The following ZNF285 variants were observed in gnomAD, a reference collection of about 807,000 sequenced individuals.
The protein encoded by ZNF285 is zinc finger protein 285A.
In ZNF285, 4 loss-of-function variants were observed where a neutral mutation model predicts 6.2. The observed-to-expected ratio is 0.65, with a 90% CI of 0.32 to 1.49. The LOEUF is 1.49. ZNF285 is among the 40% of genes most tolerant of loss of function. The probability of loss-of-function intolerance (pLI) is 0.07; values close to 1 mark genes in which losing one functional copy is unlikely to be tolerated. For synonymous variants in ZNF285, 240 were observed against 245.8 expected (o/e 0.98, Z 0.22); for missense variants, 695 against 708.8 (o/e 0.98, Z 0.22).
intron 2 of ZNF285, chr19:44,394,511 G>A (rs112139093): frequency 0.056 from 29,562 of 528,806 alleles, 1,374 homozygotes; most frequent in East Asian, 0.18. Flanking sequence ...ATTTACCCAC[G>A]TAACAAACCT....
At chr19:44,395,165 C>G (rs1321923556) in intron 2 of ZNF285, among the ~76,000 whole-genome samples, 3 of 151,544 alleles carry the variant, frequency 2.0e-5, no homozygotes, top group African/African-American at 7.3e-5. Context: ...ATTAAGAAAC[C>G]AAATTTATAA....
intron 2 of ZNF285, among the ~76,000 whole-genome samples, chr19:44,394,044 A>G (rs1407104748): frequency 6.6e-6 from 1 of 152,150 alleles, no homozygotes; most frequent in Non-Finnish European, 1.5e-5. Context: ...GATTAAGAAA[A>G]TGTGGCATAT....
chr19:44,398,047 TTTA>T (rs1374119368), intron 1 of ZNF285, among the ~76,000 whole-genome samples: 14 of 152,166 alleles, frequency 9.2e-5, no homozygotes, highest in Non-Finnish European at 1.6e-4. Flanking sequence ...AATCCCAATT[TTTA>T]TTATTATGTT....
Position 44,387,292 on chromosome 19 carries a change from C to A in ZNF285, c.953G>T (p.Cys318Phe). Residue 318 changes from cysteine to phenylalanine, a missense_variant, in exon 4 of 4, where the codon TGT becomes TTT. Transcript: ENST00000614994. ...CCTGAAGCCCTTGCCACATTCTTTA[C>A]ATTTGTAGGGTTTGTCTCCTGAGGA... ...KVSSGDKPYK[C>F]KECGKGFRRS... 2 of 1,614,132 alleles carry A rather than the reference C, an allele frequency of 1.2e-6. No homozygotes were observed.
Position 44,385,863 on chromosome 19 carries a change from C to T in ZNF285, c.*609G>A, listed in dbSNP as rs1197860036. On this transcript the variant is annotated 3_prime_UTR_variant, in exon 4 of 4. Coordinates refer to ENST00000614994, the MANE Select transcript of ZNF285 (RefSeq NM_152354.6). ...GCTAGAACTCAATCACATGGGCACA[C>T]TCTTAACTGCAAGGGTTACTGGGAA... 6.5e-6 allele frequency: 1 copy of T among 154,182 alleles called. No individual in the cohort carries two copies. The highest frequency in any genetic ancestry group is 1.4e-5 in the Non-Finnish European group (1 of 69,388). 9.6% of individuals were successfully genotyped at this position (154,182 alleles called of 1,614,324 possible). A position where few individuals can be genotyped will look rare whatever the true frequency, so the allele number is the denominator to read the frequency against.
At position 44,397,195 on chromosome 19, in the gene ZNF285, T is replaced by A; in HGVS notation, c.15+4A>T. On this transcript the variant is annotated splice_donor_region_variant and intron_variant, in intron 2 of 3. Transcript: ENST00000614994. The stretch of plus-strand genomic sequence containing the variant: ...ATTTAAAGAGAAAGAAACCCTTAAC[T>A]TACCTGGAACTTAATCATACCGTCT... 1 of 1,613,882 alleles carries A rather than the reference T, an allele frequency of 6.2e-7. No homozygotes were observed. The highest frequency in any genetic ancestry group is 8.5e-7 in the Non-Finnish European group (1 of 1,179,854).
intron 2 of ZNF285, among the ~76,000 whole-genome samples, chr19:44,393,117 G>A (rs922676508): frequency 2.6e-5 from 4 of 152,122 alleles, no homozygotes; most frequent in East Asian, 1.9e-4. Context: ...CAGTAATGTG[G>A]AAATGTAGGA....
intron 2 of ZNF285, 108 bp from the exon 3 acceptor site, chr19:44,392,574 A>G: frequency 6.2e-7 from 1 of 1,603,388 alleles, no homozygotes; most frequent in South Asian, 1.1e-5. Flanking sequence ...TAAACAAAAT[A>G]AACTTATTTC....
chr19:44,391,182 A>G (rs1971189283), intron 3 of ZNF285, among the ~76,000 whole-genome samples: 2 of 151,618 alleles, frequency 1.3e-5, no homozygotes, highest in South Asian at 2.1e-4. Context: ...TTCCCTGCAC[A>G]AGCTCTCTTC....
intron 1 of ZNF285, among the ~76,000 whole-genome samples, chr19:44,399,235 A>G (rs1486729738): frequency 6.8e-6 from 1 of 146,824 alleles, no homozygotes; most frequent in African/African-American, 2.7e-5. Flanking sequence ...TACCTTTAAG[A>G]GACATCATTA....
rs780830539 is a variant in ZNF285, at chr19:44,386,914, T to C, written c.1331A>G (p.His444Arg). The C allele has an allele frequency of 9.9e-6, 16 of 1,614,004 alleles. No homozygotes were observed. Among genetic ancestry groups the C allele is most frequent in the East Asian group, 6.7e-5 (3 of 44,878 alleles). ...CCCTGTGTGGACTCTCTGGTGAATGTGAAGGTGTGTACATTGGCTGAAGCC... is the reference window on the plus strand; with the variant it reads ...CCCTGTGTGGACTCTCTGGTGAATGCGAAGGTGTGTACATTGGCTGAAGCC... The part of the protein sequence containing the change: ...GKGFSQCTHL[H>R]IHQRVHTGEK... The change falls in exon 4 of 4, where the codon CAC becomes CGC. Residue 444 changes from histidine (H) to arginine (R), a missense_variant. Transcript: ENST00000614994.
chr19:44,395,362 C>A (rs964794585), intron 2 of ZNF285, among the ~76,000 whole-genome samples: 1 of 152,058 alleles, frequency 6.6e-6, no homozygotes, highest in Non-Finnish European at 1.5e-5. Context: ...TAGGAAAGAA[C>A]ACAGGACACC....
Position 44,387,188 on chromosome 19 carries a change from AC to A in ZNF285, c.1056del (p.Phe353LeufsTer211). ...MPYKCDECGK[G>X]FGFRSLLCIH... ...ATACAAAGAAGTGACCTAAATCCAAACCCTTTCCCACATTCATCGCATTTGT... is the reference window on the plus strand; with the variant it reads ...ATACAAAGAAGTGACCTAAATCCAAACCTTTCCCACATTCATCGCATTTGT... On this transcript the variant is annotated frameshift_variant, in exon 4 of 4. Coordinates refer to ENST00000614994, the MANE Select transcript of ZNF285 (RefSeq NM_152354.6). LOFTEE classifies it low-confidence loss of function (END_TRUNC). 2 of 1,613,348 alleles carry A rather than the reference AC, an allele frequency of 1.2e-6. No homozygotes were observed. The highest frequency in any genetic ancestry group is 1.7e-6 in the Non-Finnish European group (2 of 1,179,860).
In ZNF285 at chr19:44,387,112, C is replaced by G. The variant is rs372504763; in HGVS notation, c.1133G>C (p.Gly378Ala). 8 of 1,614,054 alleles carry G rather than the reference C, an allele frequency of 5.0e-6. No individual in the cohort carries two copies. The highest frequency in any genetic ancestry group is 1.3e-5 in the African/African-American group (1 of 74,926). ...GTTGGAGCTCTGATCAAAGCCCTTCCCACACTCTTCACATTTATAGGGCTT... is the reference window on the plus strand; with the variant it reads ...GTTGGAGCTCTGATCAAAGCCCTTCGCACACTCTTCACATTTATAGGGCTT... Reference protein sequence around the residue: ...GKKPYKCEECGKGFDQSSNLL... With the variant: ...GKKPYKCEECAKGFDQSSNLL... Residue 378 changes from glycine (G) to alanine (A), a missense_variant, in exon 4 of 4, where the codon GGG becomes GCG. Gly to Ala is a moderately conservative substitution (Grantham distance 60). Transcript: ENST00000614994.
At chr19:44,388,301 C>G (rs1223343126) in intron 3 of ZNF285, among the ~76,000 whole-genome samples, 199 bp from the exon 4 acceptor site, 1 of 151,742 alleles carries the variant, frequency 6.6e-6, no homozygotes, top group African/African-American at 2.4e-5. Context: ...AAATCTTGGC[C>G]AGGTGCAGTG....
intron 3 of ZNF285, among the ~76,000 whole-genome samples, chr19:44,391,084 G>A (rs1478402755): frequency 6.6e-6 from 1 of 151,460 alleles, no homozygotes; most frequent in Admixed American, 6.6e-5. Context: ...AACTTGGGAG[G>A]TGGAGGTTGC....
intron 2 of ZNF285, among the ~76,000 whole-genome samples, chr19:44,395,683 T>C (rs1971269211): frequency 6.6e-6 from 1 of 152,176 alleles, no homozygotes; most frequent in Non-Finnish European, 1.5e-5. Context: ...TCCTCTTCCA[T>C]GCTCTCCAAT....
At chr19:44,396,285 GC>G (rs1448871744) in intron 2 of ZNF285, among the ~76,000 whole-genome samples, 1 of 152,136 alleles carries the variant, frequency 6.6e-6, no homozygotes, top group African/African-American at 2.4e-5. Context: ...GATGGGTACT[GC>G]AAATGGAGGA....
At position 44,386,685 on chromosome 19, in the gene ZNF285, G is replaced by T. The variant is rs761031949; in HGVS notation, c.1560C>A (p.Gly520=). 3 of 1,614,128 alleles carry T rather than the reference G, an allele frequency of 1.9e-6. No individual in the cohort carries two copies. The highest frequency in any genetic ancestry group is 1.7e-6 in the Non-Finnish European group (2 of 1,180,026). ...KPYKCDECGK[G]FSRNSDLNVH... ...CATTAAGATCTGAATTCCGGCTGAA[G>T]CCTTTACCACACTCATCACATTTAT... The change falls in exon 4 of 4, where the codon GGC becomes GGA. Residue 520 remains glycine (G), a synonymous_variant. Transcript: ENST00000614994.
Sources: allele counts gnomAD v4.1 joint callset (sites outside exome capture counted in the v4.1 genomes callset), GRCh38; gene constraint gnomAD v4.1.1; transcripts MANE v1.5; gene names NCBI Gene and HGNC (gene_info 2026-07-23, HGNC 2026-07-21).